The following CHODL variants were observed in gnomAD, a reference collection of about 807,000 sequenced individuals.
CHODL encodes chondrolectin, also known as transmembrane protein MT75.
A neutral mutation model predicts 34.5 loss-of-function variants in CHODL; 29 were observed. That is an observed-to-expected ratio of 0.84 (90% confidence interval 0.63 to 1.15). The LOEUF is 1.15. CHODL is among the 50% of genes most tolerant of loss of function. CHODL has a pLI of 0.00. For missense variants in CHODL, 332 were observed against 332.5 expected, an observed-to-expected ratio of 1.00 and a Z score of 0.01; for synonymous variants, 125 against 116.1, an observed-to-expected ratio of 1.08 and a Z score of -0.49.
At chr21:18,252,727 T>G (rs2074272660) in intron 1 of CHODL, among the ~76,000 whole-genome samples, 1 of 152,194 alleles carries the variant, frequency 6.6e-6, no homozygotes, top group African/African-American at 2.4e-5. Flanking sequence ...AGATCTGAAC[T>G]GTTAGTGACT....
At chr21:18,171,498 C>T (rs1165057063) in intron 2 of CHODL, among the ~76,000 whole-genome samples, 2 of 151,994 alleles carry the variant, frequency 1.3e-5, no homozygotes, top group South Asian at 2.1e-4. Context: ...TGAGCCACCG[C>T]GCCCGGCCTT....
chr21:18,239,245 G>A (rs1601186511), intron 2 of CHODL, among the ~76,000 whole-genome samples: 3 of 151,936 alleles, frequency 2.0e-5, no homozygotes, highest in South Asian at 2.1e-4. Flanking sequence ...AAAGGTTTAC[G>A]GGTGCTGATA....
intron 1 of CHODL, among the ~76,000 whole-genome samples, chr21:18,015,743 C>T (rs753857872): frequency 1.4e-4 from 22 of 152,164 alleles, no homozygotes; most frequent in Non-Finnish European, 1.8e-4. Context: ...AAGGAAGTTA[C>T]TGGGAACTGG....
chr21:17,988,404 T>A lies in CHODL; in HGVS notation c.-144-39468T>A, dbSNP rs550924921. Among the ~76,000 whole-genome samples the A allele has an allele frequency of 3.3e-4, 49 of 149,208 alleles. No homozygotes were observed. The Middle Eastern group carries it at 0.014, about 41-fold the overall frequency. ...TTTTTTCCCTTTTTTCCTTTTTTTT[T>A]ATTATTATTATACTTTAAGTTTTAG... is the stretch of plus-strand genomic sequence containing the variant. On this transcript the variant is annotated intron_variant, in intron 1 of 6. Transcript: ENST00000400127.
At position 18,060,263 on chromosome 21, in the gene CHODL, T is replaced by C. The variant is rs558015985; in HGVS notation, c.-45+32292T>C. ...TGAGTTCAGGAGTTTGAGACCAGCC[T>C]GGGCAACATGGCAAAACCTTGTCTC... On this transcript the variant is annotated intron_variant, in intron 2 of 6. Transcript: ENST00000400127. Among the ~76,000 whole-genome samples the C allele has an allele frequency of 2.6e-5, 4 of 152,130 alleles. No individual in the cohort carries two copies. The South Asian group carries it at 6.2e-4, about 24-fold the overall frequency.
At chr21:18,181,874 T>A (rs1056335039) in intron 2 of CHODL, among the ~76,000 whole-genome samples, 1 of 152,226 alleles carries the variant, frequency 6.6e-6, no homozygotes, top group Non-Finnish European at 1.5e-5. Context: ...ATATCAATAC[T>A]TTATTTCAAC....
intron 2 of CHODL, among the ~76,000 whole-genome samples, chr21:18,091,449 G>A (rs154749): frequency 0.35 from 53,949 of 152,006 alleles, 10,911 homozygotes; most frequent in East Asian, 0.81. Context: ...CAATGAAAGT[G>A]ACTCCCTTGC....
chr21:18,166,077 G>A (rs184908003), intron 2 of CHODL, among the ~76,000 whole-genome samples: 52 of 152,220 alleles, frequency 3.4e-4, no homozygotes, highest in African/African-American at 1.2e-3. Context: ...CAGCCAGGCC[G>A]CACCCTTTCT....
intron 1 of CHODL, among the ~76,000 whole-genome samples, chr21:17,939,628 C>T (rs1358926605): frequency 6.6e-6 from 1 of 152,048 alleles, no homozygotes; most frequent in Non-Finnish European, 1.5e-5. Context: ...AAACATCTAC[C>T]ATCCTCTCAA....
chr21:18,071,628 C>T (rs2064806454), intron 2 of CHODL, among the ~76,000 whole-genome samples: 1 of 152,110 alleles, frequency 6.6e-6, no homozygotes, highest in African/African-American at 2.4e-5. Context: ...CTTAATTCTC[C>T]TATCAATAGT....
chr21:18,078,142 T>G (rs1002950207), intron 2 of CHODL, among the ~76,000 whole-genome samples: 13 of 152,300 alleles, frequency 8.5e-5, no homozygotes, highest in African/African-American at 3.1e-4. Context: ...GTTCTCATGC[T>G]GCTAATAAAG....
chr21:17,965,550 T>G (rs961414170), intron 1 of CHODL, among the ~76,000 whole-genome samples: 2 of 152,146 alleles, frequency 1.3e-5, no homozygotes, highest in Non-Finnish European at 2.9e-5. Flanking sequence ...CCTGCTCCAT[T>G]ACAATAAATT....
intron 2 of CHODL, among the ~76,000 whole-genome samples, chr21:18,135,577 AT>A (rs756259638): frequency 1.3e-5 from 2 of 152,038 alleles, no homozygotes; most frequent in Non-Finnish European, 2.9e-5. Flanking sequence ...TCAATTTTTA[AT>A]TCTTGGAAGT....
At chr21:18,114,999 C>T (rs1413096150) in intron 2 of CHODL, 1 of 152,246 alleles carries the variant, frequency 6.6e-6, no homozygotes, top group East Asian at 1.9e-4. Flanking sequence ...TAAACTGCTT[C>T]TTATGTATTC....
chr21:18,257,634 C>A (rs959738211), intron 3 of CHODL, among the ~76,000 whole-genome samples: 2 of 151,988 alleles, frequency 1.3e-5, no homozygotes, highest in African/African-American at 4.8e-5. Flanking sequence ...AGCTCATTGC[C>A]CCATAGTGGA....
chr21:18,183,007 C>A (rs2073400019), intron 2 of CHODL, among the ~76,000 whole-genome samples: 1 of 152,136 alleles, frequency 6.6e-6, no homozygotes, highest in Non-Finnish European at 1.5e-5. Flanking sequence ...GCTTATCATG[C>A]AGAAAAGAAG....
intron 2 of CHODL, among the ~76,000 whole-genome samples, chr21:18,227,190 A>G (rs2073938751): frequency 6.6e-6 from 1 of 151,992 alleles, no homozygotes; most frequent in African/African-American, 2.4e-5. Context: ...TGACCTAATC[A>G]CCTCCAAAAA....
At chr21:18,245,360 G>A in intron 1 of CHODL, 58 bp downstream of exon 1, 1 of 1,399,456 alleles carries the variant, frequency 7.1e-7, no homozygotes, top group Non-Finnish European at 9.5e-7. Flanking sequence ...ACGGGGCGCG[G>A]CGGGCAGCCT....
At chr21:18,022,421 G>A (rs2064136390) in intron 1 of CHODL, 1 of 152,128 alleles carries the variant, frequency 6.6e-6, no homozygotes, top group Non-Finnish European at 1.5e-5. Context: ...ATTTCATCTT[G>A]AGATTCTTGA....
Sources: allele counts gnomAD v4.1 joint callset (sites outside exome capture counted in the v4.1 genomes callset), GRCh38; gene constraint gnomAD v4.1.1; transcripts MANE v1.5; gene names NCBI Gene and HGNC (gene_info 2026-07-23, HGNC 2026-07-21).